The following TCF12 variants were observed in gnomAD, a reference collection of about 807,000 sequenced individuals.
TCF12 encodes the protein DNA-binding protein HTF4.
Under a neutral mutation model 86.0 loss-of-function variants are expected in TCF12, and 45 were observed. That is an observed-to-expected ratio of 0.52 (90% CI 0.41 to 0.67). TCF12 has a LOEUF of 0.67. Ranked by LOEUF, TCF12 falls within the 30% of genes least tolerant of loss-of-function variation. The pLI, the probability that TCF12 is intolerant of heterozygous loss-of-function variation, is 0.00. For missense variants in TCF12, 881 were observed against 859.9 expected, an observed-to-expected ratio of 1.02 and a Z score of -0.31; for synonymous variants, 330 against 299.6, an observed-to-expected ratio of 1.10 and a Z score of -1.05.
chr15:57,056,888 A>G (rs964175377), intron 3 of TCF12, among the ~76,000 whole-genome samples: 4 of 151,482 alleles, frequency 2.6e-5, no homozygotes, highest in Non-Finnish European at 5.9e-5. Flanking sequence ...TCCTTGTCTG[A>G]AAATTTTACT....
intron 5 of TCF12, among the ~76,000 whole-genome samples, chr15:57,141,507 G>T (rs763508763): frequency 6.6e-6 from 1 of 152,066 alleles, no homozygotes; most frequent in Non-Finnish European, 1.5e-5. Flanking sequence ...GCGCCACCAC[G>T]CCCAACTAAT....
At chr15:57,154,828 C>G (rs2054004961) in intron 5 of TCF12, among the ~76,000 whole-genome samples, 1 of 151,958 alleles carries the variant, frequency 6.6e-6, no homozygotes, top group African/African-American at 2.4e-5. Flanking sequence ...AGACTTTGTC[C>G]TTAAGCATGA....
intron 3 of TCF12, among the ~76,000 whole-genome samples, chr15:56,963,176 G>A (rs1364045913): frequency 6.6e-6 from 1 of 151,468 alleles, no homozygotes; most frequent in Non-Finnish European, 1.5e-5. Context: ...TATTGTCGTG[G>A]TATTTTGTGT....
At chr15:56,984,258 G>GTGTGTT in intron 3 of TCF12, among the ~76,000 whole-genome samples, 1 of 145,986 alleles carries the variant, frequency 6.8e-6, no homozygotes, top group South Asian at 2.2e-4. Context: ...TGGTGTGTGT[G>GTGTGTT]TGTGTGTGTG....
intron 5 of TCF12, among the ~76,000 whole-genome samples, chr15:57,158,094 G>A (rs1267650779): frequency 6.6e-6 from 1 of 151,918 alleles, no homozygotes; most frequent in Non-Finnish European, 1.5e-5. Context: ...TAAGGGGAGA[G>A]AAGTGGAGAG....
rs796354261 is a variant in TCF12, at chr15:57,169,740, T to G, written c.390+3274T>G. On this transcript the variant is annotated intron_variant, in intron 6 of 20. Transcript: ENST00000333725. The stretch of plus-strand genomic sequence containing the variant: ...TTTTTGAGACCACAGCTAAGTCTAA[T>G]AAATCATAGTTCATGCTTATATTAA... 1.1e-4 allele frequency among the ~76,000 whole-genome samples: 16 copies of G among 152,294 alleles called. 1 individual carries two copies. Among genetic ancestry groups the G allele is most frequent in the African/African-American group, 3.8e-4 (16 of 41,572 alleles).
rs57821231 is a variant in TCF12, at chr15:57,037,434, AAAACAAACAAAC to A, written c.149-26301_149-26290del. 3.3e-5 allele frequency among the ~76,000 whole-genome samples: 5 copies of A among 151,122 alleles called. No individual in the cohort carries two copies. In the East Asian group the frequency reaches 9.8e-4, roughly 30 times the overall value. On this transcript the variant is annotated intron_variant, in intron 3 of 20. Coordinates refer to ENST00000333725, the MANE Select transcript of TCF12 (RefSeq NM_207037.2). ...CCAGCCTGGGTGACAAGAGCTCAAAAAAACAAACAAACAAACAAACAAACAAGGTAGTATAAG... is the reference window on the plus strand; with the variant it reads ...CCAGCCTGGGTGACAAGAGCTCAAAAAAACAAACAAACAAGGTAGTATAAG...
intron 5 of TCF12, among the ~76,000 whole-genome samples, chr15:57,095,857 T>C (rs2049285686): frequency 6.6e-6 from 1 of 152,184 alleles, no homozygotes; most frequent in South Asian, 2.1e-4. Flanking sequence ...ATAAATTTAA[T>C]AACTTTTATT....
chr15:57,040,601 A>C (rs1393427089), intron 3 of TCF12, among the ~76,000 whole-genome samples: 1 of 152,234 alleles, frequency 6.6e-6, no homozygotes, highest in African/African-American at 2.4e-5. Flanking sequence ...ATTCAGTAGG[A>C]GAAGATAAAA....
At chr15:56,973,701 G>T (rs1467192464) in intron 3 of TCF12, among the ~76,000 whole-genome samples, 1 of 152,120 alleles carries the variant, frequency 6.6e-6, no homozygotes, top group East Asian at 1.9e-4. Flanking sequence ...TACATAGATA[G>T]ATTGAAGATA....
At chr15:57,272,979 A>G (rs2152097456) in intron 18 of TCF12, 51 bp from the exon 19 acceptor site, 1 of 1,531,478 alleles carries the variant, frequency 6.5e-7, no homozygotes, top group East Asian at 2.3e-5. Context: ...CAATCAGCAT[A>G]TCTTACTTTA....
At chr15:56,922,637 A>T (rs1159568396) in intron 3 of TCF12, among the ~76,000 whole-genome samples, 1 of 152,060 alleles carries the variant, frequency 6.6e-6, no homozygotes, top group African/African-American at 2.4e-5. Context: ...TTTTAGTTTT[A>T]AAAGTTAGAT....
chr15:57,006,334 C>T (rs538682206), intron 3 of TCF12, among the ~76,000 whole-genome samples: 31 of 151,388 alleles, frequency 2.0e-4, no homozygotes, highest in East Asian at 1.8e-3. Flanking sequence ...GATGGAGTTT[C>T]GCTCTTGTCA....
At chr15:57,282,681 C>G in intron 20 of TCF12, 83 bp downstream of exon 20, 1 of 1,488,078 alleles carries the variant, frequency 6.7e-7, no homozygotes, top group Non-Finnish European at 9.0e-7. Flanking sequence ...GAACAGAATT[C>G]TCTAGTGAGC....
intron 4 of TCF12, among the ~76,000 whole-genome samples, chr15:57,071,951 A>T (rs531670412): frequency 6.6e-5 from 10 of 152,228 alleles, no homozygotes; most frequent in African/African-American, 2.4e-4. Flanking sequence ...GGAAAATAGT[A>T]CGAGATAAGG....
intron 3 of TCF12, among the ~76,000 whole-genome samples, chr15:56,945,329 T>C (rs1257887941): frequency 1.3e-5 from 2 of 152,154 alleles, no homozygotes; most frequent in African/African-American, 4.8e-5. Flanking sequence ...TCCATGTATT[T>C]TCAATTTCCA....
chr15:57,279,884 C>CTTTTTTT (rs34752903), intron 19 of TCF12, among the ~76,000 whole-genome samples: 1 of 98,304 alleles, frequency 1.0e-5, no homozygotes, highest in South Asian at 3.5e-4. Flanking sequence ...CACAGTCTCA[C>CTTTTTTT]TTTTTTTTTT....
chr15:57,079,963 G>A (rs1439138044), intron 4 of TCF12, among the ~76,000 whole-genome samples: 1 of 152,140 alleles, frequency 6.6e-6, no homozygotes, highest in Non-Finnish European at 1.5e-5. Context: ...GAGACTTAAA[G>A]ATCATTCTAA....
chr15:57,105,236 G>T (rs564567634), intron 5 of TCF12, among the ~76,000 whole-genome samples: 1 of 152,178 alleles, frequency 6.6e-6, no homozygotes, highest in East Asian at 1.9e-4. Context: ...TTCTAACACA[G>T]GTTCTTCCTT....
Sources: gnomAD v4.1 joint callset for allele counts (sites outside exome capture counted in the v4.1 genomes callset) on GRCh38, gnomAD v4.1.1 for gene constraint, MANE v1.5 for transcripts, NCBI Gene and HGNC (gene_info 2026-07-23, HGNC 2026-07-21) for gene names.